PRKAR2B: variants seen among roughly 807,000 people sequenced by gnomAD.
PRKAR2B encodes the protein cAMP-dependent protein kinase type II-beta regulatory subunit.
PRKAR2B carries 14 observed loss-of-function variants against 49.9 expected under a neutral mutation model. The observed-to-expected ratio is 0.28, with a 90% CI of 0.19 to 0.44. The LOEUF (loss-of-function observed/expected upper bound fraction) is 0.44, where lower values mean the gene tolerates loss of function less well. Ranked by LOEUF, PRKAR2B falls within the 20% of genes least tolerant of loss-of-function variation. The probability of loss-of-function intolerance (pLI) is 1.00; values close to 1 mark genes in which losing one functional copy is unlikely to be tolerated. For synonymous variants in PRKAR2B, 196 were observed against 197.7 expected, an observed-to-expected ratio of 0.99 and a Z score of 0.07; for missense variants, 393 against 537.9, an observed-to-expected ratio of 0.73 and a Z score of 2.67.
intron 4 of PRKAR2B, among the ~76,000 whole-genome samples, chr7:107,134,870 A>T (rs1795666961): frequency 6.6e-6 from 1 of 152,228 alleles, no homozygotes; most frequent in Non-Finnish European, 1.5e-5. Context: ...AAGAGCTTAA[A>T]CCATAAAACT....
At chr7:107,084,013 T>G (rs761572747) in intron 2 of PRKAR2B, among the ~76,000 whole-genome samples, 30 of 152,196 alleles carry the variant, frequency 2.0e-4, no homozygotes, top group Non-Finnish European at 4.0e-4. Flanking sequence ...TTTTGACTAT[T>G]CTGCAGGAAA....
At chr7:107,130,258 G>A (rs1373580366) in intron 4 of PRKAR2B, among the ~76,000 whole-genome samples, 1 of 152,146 alleles carries the variant, frequency 6.6e-6, no homozygotes, top group African/African-American at 2.4e-5. Context: ...CCAGCACTTT[G>A]GGAGGCCGAG....
intron 1 of PRKAR2B, among the ~76,000 whole-genome samples, chr7:107,054,116 G>A (rs544663077): frequency 2.0e-5 from 3 of 152,246 alleles, no homozygotes; most frequent in Non-Finnish European, 2.9e-5. Flanking sequence ...TTGGGAGGCC[G>A]AGGCGGGCGA....
In PRKAR2B at chr7:107,044,934, G is replaced by A; in HGVS notation, c.27G>A (p.Leu9=). ...TGAGCATCGAGATCCCGGCGGGACTGACGGAGCTGCTGCAGGGCTTCACGG... is the reference window on the plus strand; with the variant it reads ...TGAGCATCGAGATCCCGGCGGGACTAACGGAGCTGCTGCAGGGCTTCACGG... The part of the protein sequence containing the change: MSIEIPAG[L]TELLQGFTVE... The change falls in exon 1 of 11, where the codon CTG becomes CTA. Residue 9 remains leucine (L), a synonymous_variant. Transcript: ENST00000265717. The A allele has an allele frequency of 2.5e-6, 4 of 1,599,718 alleles. No homozygotes were observed. Among genetic ancestry groups the A allele is most frequent in the Non-Finnish European group, 3.4e-6 (4 of 1,175,376 alleles).
chr7:107,143,808 A>G (rs1338857026), intron 5 of PRKAR2B, among the ~76,000 whole-genome samples: 1 of 152,196 alleles, frequency 6.6e-6, no homozygotes, highest in East Asian at 1.9e-4. Context: ...TGTATAAGGT[A>G]TATATGAAAC....
Position 107,044,891 on chromosome 7 carries a change from G to C in PRKAR2B, c.-17G>C. ...GGGCGAGGGCGGCGCCCAGGCGCCT[G>C]CCGCCCCGGAGGCAGGATGAGCATC... is the stretch of plus-strand genomic sequence containing the variant. On this transcript the variant is annotated 5_prime_UTR_variant, in exon 1 of 11. Coordinates refer to ENST00000265717, the MANE Select transcript of PRKAR2B (RefSeq NM_002736.3). The C allele has an allele frequency of 1.3e-6, 2 of 1,578,808 alleles. No homozygotes were observed. The highest frequency in any genetic ancestry group is 1.7e-6 in the Non-Finnish European group (2 of 1,166,900).
intron 4 of PRKAR2B, among the ~76,000 whole-genome samples, chr7:107,135,537 G>C (rs1028904734): frequency 2.0e-5 from 3 of 152,058 alleles, no homozygotes; most frequent in African/African-American, 4.8e-5. Flanking sequence ...CAGGATACAA[G>C]GTTAATATAC....
chr7:107,151,575 G>T (rs1795988861), intron 7 of PRKAR2B, among the ~76,000 whole-genome samples: 1 of 152,190 alleles, frequency 6.6e-6, no homozygotes, highest in African/African-American at 2.4e-5. Flanking sequence ...ATTGTGAGTT[G>T]AAAATATCAT....
intron 3 of PRKAR2B, among the ~76,000 whole-genome samples, chr7:107,125,920 C>G (rs529291706): frequency 6.6e-6 from 1 of 151,804 alleles, no homozygotes; most frequent in South Asian, 2.1e-4. Context: ...AACCCTGTCT[C>G]TAATAAAAAT....
intron 3 of PRKAR2B, among the ~76,000 whole-genome samples, chr7:107,124,474 A>C (rs1200021145): frequency 6.6e-6 from 1 of 152,214 alleles, no homozygotes; most frequent in Non-Finnish European, 1.5e-5. Flanking sequence ...AGAAACAGTG[A>C]AACAGTGTAG....
intron 2 of PRKAR2B, among the ~76,000 whole-genome samples, chr7:107,096,470 A>AT (rs879865930): frequency 0.049 from 7,115 of 144,286 alleles, 219 homozygotes; most frequent in African/African-American, 0.071. Context: ...GGATTCATTG[A>AT]TTTTTTTTTT....
chr7:107,145,355 G>T (rs1323637729), intron 5 of PRKAR2B, among the ~76,000 whole-genome samples: 2 of 152,162 alleles, frequency 1.3e-5, no homozygotes, highest in African/African-American at 4.8e-5. Context: ...AGATTATAAA[G>T]GACCCTAGTA....
At chr7:107,104,161 A>G (rs1795029202) in intron 2 of PRKAR2B, among the ~76,000 whole-genome samples, 1 of 152,056 alleles carries the variant, frequency 6.6e-6, no homozygotes, top group African/African-American at 2.4e-5. Context: ...CCTCCCAAGT[A>G]GCTAGGACTA....
In PRKAR2B at chr7:107,101,283, C is replaced by T. The variant is rs376097419; in HGVS notation, c.344-20669C>T. ...CTCTCAAGGTTAGCCCCTGTATCTT[C>T]GTGATGCAGTGACCAGTGGTTGGTC... On this transcript the variant is annotated intron_variant, in intron 2 of 10. Transcript: ENST00000265717. 2.3e-4 allele frequency among the ~76,000 whole-genome samples: 35 copies of T among 152,016 alleles called. No individual in the cohort carries two copies. The East Asian group carries it at 4.1e-3, about 18-fold the overall frequency.
intron 1 of PRKAR2B, among the ~76,000 whole-genome samples, chr7:107,059,203 G>A (rs538668295): frequency 1.2e-4 from 18 of 152,236 alleles, no homozygotes; most frequent in African/African-American, 3.4e-4. Context: ...CAGGAGAATC[G>A]CTTGAACCCA....
At chr7:107,059,882 C>G (rs1449338427) in intron 1 of PRKAR2B, among the ~76,000 whole-genome samples, 1 of 151,990 alleles carries the variant, frequency 6.6e-6, no homozygotes, top group Non-Finnish European at 1.5e-5. Flanking sequence ...CTCTCATGCT[C>G]TCAGCGTGAT....
intron 2 of PRKAR2B, among the ~76,000 whole-genome samples, chr7:107,120,891 A>G (rs1795374623): frequency 1.3e-5 from 2 of 151,840 alleles, no homozygotes; most frequent in Non-Finnish European, 2.9e-5. Context: ...AGAAAACCAA[A>G]TATTTCCTAT....
rs1056816701 is a variant in PRKAR2B, at chr7:107,044,817, C to G, written c.-91C>G. On this transcript the variant is annotated 5_prime_UTR_variant, in exon 1 of 11. Transcript: ENST00000265717. The stretch of plus-strand genomic sequence containing the variant: ...CTCGCAGCCGGTAGCGCGCCAGCGC[C>G]GTAGGCGCTCGCTCGGCAGCCGCGG... The G allele has an allele frequency of 3.9e-5, 42 of 1,083,440 alleles. No individual in the cohort carries two copies. The highest frequency in any genetic ancestry group is 4.6e-5 in the Non-Finnish European group (39 of 847,160). The allele number at this position is 1,083,440 out of a possible 1,614,324, so 67.1% of individuals were successfully genotyped here. A position where few individuals can be genotyped will look rare whatever the true frequency, so the allele number is the denominator to read the frequency against.
intron 1 of PRKAR2B, among the ~76,000 whole-genome samples, chr7:107,062,931 C>T (rs1407544693): frequency 6.6e-6 from 1 of 150,904 alleles, no homozygotes; most frequent in Non-Finnish European, 1.5e-5. Context: ...TGTTAAAAGT[C>T]TATTTTATGT....
Sources: allele counts gnomAD v4.1 joint callset (sites outside exome capture counted in the v4.1 genomes callset), GRCh38; gene constraint gnomAD v4.1.1; transcripts MANE v1.5; gene names NCBI Gene and HGNC (gene_info 2026-07-23, HGNC 2026-07-21).